Variants in ABL2 observed in about 807,000 individuals in gnomAD.
ABL2 encodes the protein tyrosine-protein kinase ABL2.
A neutral mutation model predicts 107.7 loss-of-function variants in ABL2; 49 were observed. The observed-to-expected ratio is 0.45, with a 90% CI of 0.36 to 0.58. The LOEUF (loss-of-function observed/expected upper bound fraction) is 0.58, where lower values mean the gene tolerates loss of function less well. Ranked by LOEUF, ABL2 falls within the 20% of genes least tolerant of loss-of-function variation. ABL2 has a pLI of 0.00. For synonymous variants in ABL2, 549 were observed against 548.6 expected (o/e 1.00, Z -0.01); for missense variants, 1,245 against 1,457.0 (o/e 0.85, Z 2.37).
chr1:179,165,324 G>C (rs1036483977), intron 1 of ABL2, among the ~76,000 whole-genome samples: 1 of 152,136 alleles, frequency 6.6e-6, no homozygotes, highest in Admixed American at 6.6e-5. Context: ...GCACTAGCAA[G>C]TCATTTTTAT....
rs71108094 is a variant in ABL2, at chr1:179,121,915, ATTTTTTTTTTTTTTTTT to A, written c.688-65_688-49del. The A allele has an allele frequency of 1.4e-5, 10 of 694,326 alleles. No homozygotes were observed. In the African/African-American group the frequency reaches 2.9e-4, roughly 20 times the overall value. The allele number at this position is 694,326 out of a possible 1,614,324, so 43.0% of individuals were successfully genotyped here. A position where few individuals can be genotyped will look rare whatever the true frequency, so the allele number is the denominator to read the frequency against. On this transcript the variant is annotated intron_variant, in intron 4 of 11. Coordinates refer to ENST00000502732, the MANE Select transcript of ABL2 (RefSeq NM_007314.4). The stretch of plus-strand genomic sequence containing the variant: ...TAAACAACTTGAAAAGAGATTAAGA[ATTTTTTTTTTTTTTTTT>A]TTTTTTTTTTTGAGATGGAGTCTTG...
chr1:179,147,077 T>TAAAAAG (rs1431980191), intron 1 of ABL2, among the ~76,000 whole-genome samples: 1 of 137,164 alleles, frequency 7.3e-6, no homozygotes, highest in Non-Finnish European at 1.5e-5. Flanking sequence ...AAAAAAAATT[T>TAAAAAG]AAAAAGTAGG....
At chr1:179,117,583 T>G (rs945541035) in intron 7 of ABL2, 67 bp from the exon 8 acceptor site, 6 of 1,545,990 alleles carry the variant, frequency 3.9e-6, no homozygotes, top group Admixed American at 1.8e-5. Context: ...GAACACTCTA[T>G]TCTTGGTTTT....
intron 1 of ABL2, among the ~76,000 whole-genome samples, chr1:179,174,916 A>C (rs1196429640): frequency 9.8e-6 from 1 of 101,542 alleles, no homozygotes; most frequent in Non-Finnish European, 2.0e-5. Flanking sequence ...AAATAAAATA[A>C]AAAAAATAAT....
intron 1 of ABL2, among the ~76,000 whole-genome samples, chr1:179,212,027 C>T (rs1382569204): frequency 2.0e-5 from 3 of 152,158 alleles, no homozygotes; most frequent in Non-Finnish European, 4.4e-5. Flanking sequence ...AACTGACTCC[C>T]AGTTCTACAT....
At chr1:179,148,900 G>GAA (rs35904029) in intron 1 of ABL2, among the ~76,000 whole-genome samples, 2 of 107,434 alleles carry the variant, frequency 1.9e-5, no homozygotes, top group Non-Finnish European at 3.7e-5. Context: ...ACTCCGTCTT[G>GAA]AAAAAAAAAA....
intron 1 of ABL2, among the ~76,000 whole-genome samples, chr1:179,204,307 A>C (rs1010105472): frequency 2.0e-5 from 3 of 152,022 alleles, no homozygotes; most frequent in Non-Finnish European, 1.5e-5. Context: ...GATTATAGGC[A>C]TAAGCCACCA....
intron 1 of ABL2, among the ~76,000 whole-genome samples, chr1:179,144,959 ACC>A (rs1190730047): frequency 1.3e-5 from 2 of 152,232 alleles, no homozygotes; most frequent in Non-Finnish European, 2.9e-5. Context: ...TATTTAAATT[ACC>A]AATAATTAGT....
chr1:179,122,647 TTC>T (rs1333008257), intron 4 of ABL2, among the ~76,000 whole-genome samples: 1 of 151,796 alleles, frequency 6.6e-6, no homozygotes, highest in Non-Finnish European at 1.5e-5. Context: ...AAATATATAT[TTC>T]TTTTTCTTTT....
intron 1 of ABL2, among the ~76,000 whole-genome samples, chr1:179,205,546 G>A (rs989386746): frequency 3.3e-5 from 5 of 152,130 alleles, no homozygotes; most frequent in South Asian, 4.1e-4. Context: ...TTTCTAGAAC[G>A]ATGGTTGAAG....
At chr1:179,172,834 T>C (rs972251290) in intron 1 of ABL2, among the ~76,000 whole-genome samples, 14 of 152,190 alleles carry the variant, frequency 9.2e-5, no homozygotes, top group African/African-American at 2.7e-4. Flanking sequence ...CAGAATATTA[T>C]GTGGTACTTT....
At chr1:179,160,382 A>G (rs138499496) in intron 1 of ABL2, among the ~76,000 whole-genome samples, 3 of 152,110 alleles carry the variant, frequency 2.0e-5, no homozygotes, top group East Asian at 1.9e-4. Context: ...AAAAAATAAA[A>G]CATTTTGTAA....
chr1:179,111,379 G>A (rs28913570), intron 10 of ABL2, among the ~76,000 whole-genome samples: 12,689 of 141,848 alleles, frequency 0.089, 564 homozygotes, highest in Middle Eastern at 0.13. Flanking sequence ...TCCGTCTCCC[G>A]GGTTCAAGTG....
At chr1:179,206,773 TAAAC>T (rs943957262) in intron 1 of ABL2, among the ~76,000 whole-genome samples, 1 of 152,124 alleles carries the variant, frequency 6.6e-6, no homozygotes, top group African/African-American at 2.4e-5. Context: ...GACCCTTCAA[TAAAC>T]AAACAAATGA....
intron 1 of ABL2, among the ~76,000 whole-genome samples, chr1:179,219,038 C>T (rs757916598): frequency 1.6e-5 from 2 of 125,062 alleles, no homozygotes; most frequent in Non-Finnish European, 3.5e-5. Flanking sequence ...AGAAGATAAT[C>T]ACACTAAACA....
chr1:179,202,104 AT>A (rs1397292564), intron 1 of ABL2, among the ~76,000 whole-genome samples: 2 of 148,290 alleles, frequency 1.3e-5, no homozygotes, highest in African/African-American at 2.5e-5. Flanking sequence ...AAAAAAAAAA[AT>A]AATCTCAGCA....
intron 4 of ABL2, 30 bp from the exon 5 acceptor site, chr1:179,121,897 C>T: frequency 4.7e-6 from 5 of 1,064,384 alleles, no homozygotes; most frequent in Non-Finnish European, 6.8e-6. Context: ...AGCTAAACAA[C>T]TTGAAAAGAG....
Position 179,110,407 on chromosome 1 carries a change from G to A in ABL2, c.1700C>T (p.Pro567Leu). Residue 567 changes from proline to leucine, a missense_variant, in exon 11 of 12, where the codon CCA (proline) becomes CTA (leucine). Transcript: ENST00000502732. ...AAGTATAGGTAGCCGGGGCAGGTAT[G>A]GAACAACAGATGACGAGGAGGCGGC... ...GRAASSSSVV[P>L]YLPRLPILPS... 1 of 1,614,118 alleles carries A rather than the reference G, an allele frequency of 6.2e-7. No homozygotes were observed. The highest frequency in any genetic ancestry group is 2.2e-5 in the East Asian group (1 of 44,880).
At chr1:179,213,700 T>G (rs1426226731) in intron 1 of ABL2, among the ~76,000 whole-genome samples, 2 of 152,152 alleles carry the variant, frequency 1.3e-5, no homozygotes, top group Non-Finnish European at 2.9e-5. Context: ...AGGAAATGGA[T>G]GGGTGCTGCT....
Sources: gnomAD v4.1 joint callset for allele counts (sites outside exome capture counted in the v4.1 genomes callset) on GRCh38, gnomAD v4.1.1 for gene constraint, MANE v1.5 for transcripts, NCBI Gene and HGNC (gene_info 2026-07-23, HGNC 2026-07-21) for gene names.